The following NT5DC3 variants were observed in gnomAD, a reference collection of about 807,000 sequenced individuals.
NT5DC3 encodes the protein 5'-nucleotidase domain containing 3, also known as 5'-nucleotidase domain-containing protein 3.
A neutral mutation model predicts 67.8 loss-of-function variants in NT5DC3; 42 were observed. The ratio of observed to expected loss-of-function variants is 0.62; its 90% CI spans 0.48 to 0.80. The LOEUF (loss-of-function observed/expected upper bound fraction) is 0.80. NT5DC3 is among the 30% of genes least tolerant of loss of function. The pLI is 0.00. For synonymous variants in NT5DC3, 237 were observed against 255.6 expected (o/e 0.93, Z 0.69); for missense variants, 570 against 696.4 (o/e 0.82, Z 2.04).
At chr12:103,801,062 A>G (rs547862196) in intron 4 of NT5DC3, among the ~76,000 whole-genome samples, 2 of 152,226 alleles carry the variant, frequency 1.3e-5, no homozygotes, top group Non-Finnish European at 2.9e-5. Context: ...TATAGGTACA[A>G]AAATGAGGCT....
chr12:103,782,014 T>C (rs1160724349), intron 12 of NT5DC3, among the ~76,000 whole-genome samples: 2 of 152,216 alleles, frequency 1.3e-5, no homozygotes, highest in African/African-American at 4.8e-5. Flanking sequence ...TATCAGCCTA[T>C]AAGCTTACAA....
the NT5DC3 span, chr12:103,763,526 A>C: frequency 6.2e-7 from 1 of 1,614,130 alleles, no homozygotes; most frequent in South Asian, 1.1e-5. Context: ...GCTCTTGGCA[A>C]GCAGCAGCCT....
intron 1 of NT5DC3, among the ~76,000 whole-genome samples, chr12:103,831,939 G>A (rs1158104706): frequency 6.6e-6 from 1 of 151,828 alleles, no homozygotes; most frequent in Non-Finnish European, 1.5e-5. Context: ...ACCTCGTCCA[G>A]CTAATTTTTG....
At chr12:103,762,724 G>C in the NT5DC3 span, among the ~76,000 whole-genome samples, 28,182 of 152,202 alleles carry the variant, frequency 0.19, 3,018 homozygotes, top group East Asian at 0.44. Context: ...GTTTACCTTG[G>C]AGGATTCACT....
At position 103,821,420 on chromosome 12, in the gene NT5DC3, C is replaced by T. The variant is rs187941489; in HGVS notation, c.209-6299G>A. The stretch of plus-strand genomic sequence containing the variant: ...CCAGAAGGAGGGCATGTAACCCAGG[C>T]CTGGCCTAACAGAGCACCTGAATTC... On this transcript the variant is annotated intron_variant, in intron 1 of 13. Transcript: ENST00000392876. 2.6e-5 allele frequency among the ~76,000 whole-genome samples: 4 copies of T among 152,310 alleles called. No homozygotes were observed. The East Asian group carries it at 7.7e-4, about 29-fold the overall frequency.
At chr12:103,816,380 C>A (rs931116196) in intron 1 of NT5DC3, among the ~76,000 whole-genome samples, 5 of 152,178 alleles carry the variant, frequency 3.3e-5, no homozygotes, top group Admixed American at 2.0e-4. Context: ...TATGTCCAAC[C>A]TGTACTCTAT....
At chr12:103,750,280 C>T in the NT5DC3 span, among the ~76,000 whole-genome samples, 2 of 152,090 alleles carry the variant, frequency 1.3e-5, no homozygotes, top group Non-Finnish European at 2.9e-5. Context: ...CACAAGGAGC[C>T]CTGTGAAGAA....
chr12:103,792,216 T>A (rs1886098585), intron 9 of NT5DC3, among the ~76,000 whole-genome samples: 2 of 152,230 alleles, frequency 1.3e-5, no homozygotes, highest in Non-Finnish European at 2.9e-5. Context: ...ATAGCTGTTT[T>A]TCATCACACT....
chr12:103,819,705 G>A (rs983554512), intron 1 of NT5DC3: 2 of 152,248 alleles, frequency 1.3e-5, no homozygotes, highest in African/African-American at 4.8e-5. Context: ...GGGAAATGTG[G>A]TGAACAACCT....
chr12:103,774,780 T>G lies in NT5DC3; in HGVS notation c.*3049A>C, dbSNP rs1192903934. 7.1e-6 allele frequency: 1 copy of G among 141,092 alleles called. No individual in the cohort carries two copies. Among genetic ancestry groups the G allele is most frequent in the Admixed American group, 7.0e-5 (1 of 14,186 alleles). 8.7% of individuals were successfully genotyped at this position (141,092 alleles called of 1,614,324 possible). A position where few individuals can be genotyped will look rare whatever the true frequency, so the allele number is the denominator to read the frequency against. ...ATCCCAGCACTTTGGAAGGCTGAGG[T>G]GGGCAGAACACTTGAGGCTAGGAGT... is the stretch of plus-strand genomic sequence containing the variant. On this transcript the variant is annotated 3_prime_UTR_variant, in exon 14 of 14. Transcript: ENST00000392876.
At chr12:103,802,089 C>CT (rs1389019980) in intron 4 of NT5DC3, 1 of 152,520 alleles carries the variant, frequency 6.6e-6, no homozygotes. Context: ...CCTCAACACC[C>CT]TTCTCAGCAG....
At chr12:103,807,140 C>CT (rs1353250311) in intron 2 of NT5DC3, among the ~76,000 whole-genome samples, 1 of 152,210 alleles carries the variant, frequency 6.6e-6, no homozygotes. Flanking sequence ...GCCCTGTACC[C>CT]TGTCCATCTG....
the NT5DC3 span, chr12:103,746,761 C>T: frequency 6.4e-7 from 1 of 1,561,746 alleles, no homozygotes; most frequent in Middle Eastern, 2.2e-4. Context: ...AGGAGCAGGA[C>T]TTGCTCACAG....
Position 103,775,341 on chromosome 12 carries a change from CCTAACGTGAACACT to C in NT5DC3, c.*2474_*2487del, listed in dbSNP as rs1885308307. 1 of 152,176 alleles carries C rather than the reference CCTAACGTGAACACT, an allele frequency of 6.6e-6. No homozygotes were observed. The highest frequency in any genetic ancestry group is 6.5e-5 in the Admixed American group (1 of 15,290). The allele number at this position is 152,176 out of a possible 1,614,324, so 9.4% of individuals were successfully genotyped here. Reference sequence around the variant, plus strand: ...TTTTTCTCCTTCAAAGCTTAGGTCACCTAACGTGAACACTCATGGAAACAGGTTTTAAAAATAGT... The same window carrying C: ...TTTTTCTCCTTCAAAGCTTAGGTCACCATGGAAACAGGTTTTAAAAATAGT... On this transcript the variant is annotated 3_prime_UTR_variant, in exon 14 of 14. Transcript: ENST00000392876.
intron 2 of NT5DC3, among the ~76,000 whole-genome samples, chr12:103,808,702 A>C (rs933993737): frequency 4.6e-5 from 7 of 152,244 alleles, no homozygotes; most frequent in Non-Finnish European, 1.0e-4. Context: ...TTTTGCAGAC[A>C]TAATTGACAA....
At chr12:103,766,559 G>A (rs560477578), downstream of NT5DC3, 1,053 of 533,628 alleles carry the variant, frequency 2.0e-3, 5 homozygotes, top group Non-Finnish European at 2.3e-3. Flanking sequence ...TTCTTCCTTT[G>A]TACTCTTCAG....
At chr12:103,767,326 CAT>C (rs531457303), downstream of NT5DC3, among the ~76,000 whole-genome samples, 312 of 152,250 alleles carry the variant, frequency 2.0e-3, no homozygotes, top group Non-Finnish European at 3.7e-3. Flanking sequence ...GACCACATAT[CAT>C]ATGATTCCAT....
chr12:103,808,319 G>A (rs1168876469), intron 2 of NT5DC3, among the ~76,000 whole-genome samples: 4 of 152,176 alleles, frequency 2.6e-5, no homozygotes, highest in Non-Finnish European at 4.4e-5. Flanking sequence ...CTCTGCCCTC[G>A]GAGCATAGAC....
chr12:103,753,192 TG>T, the NT5DC3 span: 1 of 1,612,310 alleles, frequency 6.2e-7, no homozygotes, highest in South Asian at 1.1e-5. Context: ...TGGGCTGACC[TG>T]GGCGATTCCT....
Sources: allele counts gnomAD v4.1 joint callset (sites outside exome capture counted in the v4.1 genomes callset), GRCh38; gene constraint gnomAD v4.1.1; transcripts MANE v1.5; gene names NCBI Gene and HGNC (gene_info 2026-07-23, HGNC 2026-07-21).